The following SPAG16 variants were observed in gnomAD, a reference collection of about 807,000 sequenced individuals.
The protein encoded by SPAG16 is sperm-associated antigen 16 protein.
SPAG16 carries 86 observed loss-of-function variants against 80.4 expected under a neutral mutation model. The observed-to-expected ratio is 1.07, with a 90% CI of 0.90 to 1.28. SPAG16 has a LOEUF of 1.28. Among genes scored for constraint, SPAG16 ranks in the 50% most tolerant of loss-of-function variants. The probability of loss-of-function intolerance (pLI) is 0.00; values close to 1 mark genes in which losing one functional copy is unlikely to be tolerated. For synonymous variants in SPAG16, 294 were observed against 265.9 expected, an observed-to-expected ratio of 1.11 and a Z score of -1.03; for missense variants, 870 against 765.3, an observed-to-expected ratio of 1.14 and a Z score of -1.61.
chr2:214,258,064 T>C (rs185194534), intron 15 of SPAG16, among the ~76,000 whole-genome samples: 38 of 152,260 alleles, frequency 2.5e-4, no homozygotes, highest in African/African-American at 8.9e-4. Flanking sequence ...ATTGCACTTA[T>C]GTTGTAGAAT....
In SPAG16 at chr2:213,838,274, C is replaced by G. The variant is rs2556322; in HGVS notation, c.1071-24211C>G. On this transcript the variant is annotated intron_variant, in intron 10 of 15. Transcript: ENST00000331683. ...GCAACCTCTGCCTCCTGGGTTCAAG[C>G]GATTCTCCTGCCTCAGCTTCCCAAG... Among the ~76,000 whole-genome samples, 1,274 of 152,208 alleles carry G rather than the reference C, an allele frequency of 8.4e-3. 20 individuals are homozygous for G. The highest frequency in any genetic ancestry group is 0.029 in the African/African-American group (1,211 of 41,528).
rs577565609 is a variant in SPAG16 at position 213,973,182 on chromosome 2, T to C, written c.1401-40769T>C. 8.4e-4 allele frequency among the ~76,000 whole-genome samples: 128 copies of C among 152,316 alleles called. 1 individual carries two copies. Among genetic ancestry groups the C allele is most frequent in the Non-Finnish European group, 1.4e-3 (95 of 68,014 alleles). On this transcript the variant is annotated intron_variant, in intron 12 of 15. Transcript: ENST00000331683. ...TTGAGCATGCATCCTATCCTAGTCA[T>C]GTTCTTGGTTTCCAAATTCCCCAGT...
intron 15 of SPAG16, among the ~76,000 whole-genome samples, chr2:214,267,967 A>T (rs1382336586): frequency 6.6e-6 from 1 of 151,936 alleles, no homozygotes; most frequent in African/African-American, 2.4e-5. Flanking sequence ...AAATCAAACT[A>T]CTTAATAAGT....
intron 15 of SPAG16, among the ~76,000 whole-genome samples, chr2:214,341,082 A>C (rs767127868): frequency 1.3e-4 from 20 of 152,224 alleles, no homozygotes; most frequent in East Asian, 1.9e-4. Context: ...GGTGTCCCCC[A>C]AAAAATTTTT....
At chr2:213,723,781 C>A (rs2066630839) in intron 10 of SPAG16, among the ~76,000 whole-genome samples, 1 of 152,096 alleles carries the variant, frequency 6.6e-6, no homozygotes, top group Non-Finnish European at 1.5e-5. Flanking sequence ...AGCTGTGCTT[C>A]AAAAATTCAC....
intron 15 of SPAG16, among the ~76,000 whole-genome samples, chr2:214,397,386 C>T (rs1332235521): frequency 1.3e-5 from 2 of 151,974 alleles, no homozygotes; most frequent in Non-Finnish European, 2.9e-5. Flanking sequence ...TCTCAATCTC[C>T]GGACCTCGTG....
chr2:213,747,998 G>A (rs955946134), intron 10 of SPAG16, among the ~76,000 whole-genome samples: 1 of 152,124 alleles, frequency 6.6e-6, no homozygotes, highest in African/African-American at 2.4e-5. Flanking sequence ...ATTTATTCAA[G>A]TTGGACGATT....
intron 15 of SPAG16, among the ~76,000 whole-genome samples, chr2:214,325,156 C>G (rs887604801): frequency 6.6e-6 from 1 of 152,114 alleles, no homozygotes; most frequent in Non-Finnish European, 1.5e-5. Context: ...ACTACAATAC[C>G]AAATGCCGTG....
At chr2:213,882,698 TTAATCTAGC>T (rs1480510331) in intron 11 of SPAG16, among the ~76,000 whole-genome samples, 3 of 152,224 alleles carry the variant, frequency 2.0e-5, no homozygotes, top group Admixed American at 2.0e-4. Context: ...TCTTTTTTTG[TTAATCTAGC>T]TAGTGGTCTA....
chr2:213,344,843 G>T (rs529795495), intron 6 of SPAG16, among the ~76,000 whole-genome samples: 1 of 152,194 alleles, frequency 6.6e-6, no homozygotes, highest in African/African-American at 2.4e-5. Flanking sequence ...TAAACATAAC[G>T]TGTGCATGTG....
chr2:214,358,439 A>C (rs1020468679), intron 15 of SPAG16, among the ~76,000 whole-genome samples: 2 of 151,952 alleles, frequency 1.3e-5, no homozygotes, highest in Non-Finnish European at 2.9e-5. Flanking sequence ...TCTCCCATGC[A>C]TGCCAATTAA....
chr2:214,036,418 A>G (rs1353614875), intron 13 of SPAG16, among the ~76,000 whole-genome samples: 1 of 152,180 alleles, frequency 6.6e-6, no homozygotes, highest in African/African-American at 2.4e-5. Context: ...TTAGGGTTCT[A>G]TCTGTAACCA....
intron 15 of SPAG16, among the ~76,000 whole-genome samples, chr2:214,250,753 T>TAGAGAG (rs747802708): frequency 0.018 from 1,812 of 99,246 alleles, 30 homozygotes; most frequent in South Asian, 0.051. Flanking sequence ...TATATATATA[T>TAGAGAG]ATATAGAGAG....
At chr2:214,098,633 C>G (rs111396001) in intron 13 of SPAG16, among the ~76,000 whole-genome samples, 139 of 152,132 alleles carry the variant, frequency 9.1e-4, no homozygotes, top group Non-Finnish European at 1.1e-3. Context: ...TTTAAGCCAC[C>G]CAGTCTGTGC....
intron 10 of SPAG16, among the ~76,000 whole-genome samples, chr2:213,831,398 A>G (rs1381520315): frequency 1.5e-5 from 2 of 134,414 alleles, no homozygotes; most frequent in African/African-American, 5.2e-5. Flanking sequence ...ATGCTTTTCA[A>G]TTCATAATTC....
At chr2:213,922,794 C>T (rs868057396) in intron 11 of SPAG16, among the ~76,000 whole-genome samples, 7 of 152,004 alleles carry the variant, frequency 4.6e-5, no homozygotes, top group Non-Finnish European at 1.0e-4. Context: ...ACTACTGGGT[C>T]TTGGTGGCAC....
intron 9 of SPAG16, among the ~76,000 whole-genome samples, chr2:213,416,685 T>TG (rs1380833773): frequency 1.3e-5 from 2 of 151,884 alleles, no homozygotes; most frequent in Non-Finnish European, 2.9e-5. Context: ...TATCCCGGGG[T>TG]GGGGGCTAAA....
chr2:214,353,320 TCTAAA>T (rs1375330286), intron 15 of SPAG16, among the ~76,000 whole-genome samples: 3 of 152,138 alleles, frequency 2.0e-5, no homozygotes, highest in Non-Finnish European at 4.4e-5. Context: ...GATTTCCTTT[TCTAAA>T]TTCTGTGATA....
rs1373746421 is a variant in SPAG16, at chr2:213,284,516, C to T, written c.33C>T (p.Ala11=). The T allele has an allele frequency of 8.8e-6, 14 of 1,586,112 alleles. No individual in the cohort carries two copies. The Admixed American group carries it at 1.3e-4, about 14-fold the overall frequency. The change falls in exon 1 of 16, where the codon GCC becomes GCT. Residue 11 remains alanine (A), a synonymous_variant. Coordinates refer to ENST00000331683, the MANE Select transcript of SPAG16 (RefSeq NM_024532.5). ...CTCAGCGAGGGATGCCCAGCTCCGCCGTGAGGGTCCTGGAAGAGGCGTTGG... is the reference window on the plus strand; with the variant it reads ...CTCAGCGAGGGATGCCCAGCTCCGCTGTGAGGGTCCTGGAAGAGGCGTTGG... MAAQRGMPSS[A]VRVLEEALGM... is the part of the protein sequence containing the mutation.
Sources: gnomAD v4.1 joint callset for allele counts (sites outside exome capture counted in the v4.1 genomes callset) on GRCh38, gnomAD v4.1.1 for gene constraint, MANE v1.5 for transcripts, NCBI Gene and HGNC (gene_info 2026-07-23, HGNC 2026-07-21) for gene names.